PTK7: variants seen among roughly 807,000 people sequenced by gnomAD.
The protein encoded by PTK7 is inactive tyrosine-protein kinase 7.
PTK7 carries 39 observed loss-of-function variants against 116.6 expected under a neutral mutation model. That is an observed-to-expected ratio of 0.33 (90% CI 0.26 to 0.44). The LOEUF (loss-of-function observed/expected upper bound fraction) is 0.44. Among genes scored for constraint, PTK7 ranks in the 20% least tolerant of loss-of-function variants. The probability of loss-of-function intolerance (pLI) is 1.00; values close to 1 mark genes in which losing one functional copy is unlikely to be tolerated. For missense variants in PTK7, 1,169 were observed against 1,425.6 expected (o/e 0.82, Z 2.90); for synonymous variants, 546 against 563.6 (o/e 0.97, Z 0.44).
intron 7 of PTK7, among the ~76,000 whole-genome samples, chr6:43,134,595 C>T (rs1769912747): frequency 6.6e-6 from 1 of 151,952 alleles, no homozygotes; most frequent in Non-Finnish European, 1.5e-5. Flanking sequence ...GCCTGACCAA[C>T]ATGGTGAAAC....
intron 1 of PTK7, among the ~76,000 whole-genome samples, chr6:43,103,584 C>G (rs562784763): frequency 2.4e-4 from 37 of 152,312 alleles, no homozygotes; most frequent in African/African-American, 8.7e-4. Flanking sequence ...GACATCCCCC[C>G]ACCTTGGGGC....
At chr6:43,116,649 T>TGTGA (rs1768554637) in intron 1 of PTK7, among the ~76,000 whole-genome samples, 1 of 73,500 alleles carries the variant, frequency 1.4e-5, no homozygotes, top group Non-Finnish European at 2.8e-5. Context: ...TGTGTGTGTG[T>TGTGA]GTGCGCGCGC....
At chr6:43,142,330 G>A (rs940768688) in intron 13 of PTK7, 31 bp downstream of exon 13, 2 of 1,613,578 alleles carry the variant, frequency 1.2e-6, no homozygotes, top group Non-Finnish European at 1.7e-6. Flanking sequence ...TGCTGCACAG[G>A]AAGTGGTGGG....
chr6:43,081,721 A>G lies in PTK7; in HGVS notation c.79+5154A>G, dbSNP rs545048133. On this transcript the variant is annotated intron_variant, in intron 1 of 19. Transcript: ENST00000230419. ...CACCCAGCCGATATAACAGGTCCTC[A>G]TATAGGTTTATTTAAAAAGTGAATG... Among the ~76,000 whole-genome samples, 72 of 152,294 alleles carry G rather than the reference A, an allele frequency of 4.7e-4. 1 individual carries two copies. The highest frequency in any genetic ancestry group is 1.7e-3 in the African/African-American group (70 of 41,550).
At position 43,129,913 on chromosome 6, in the gene PTK7, C is replaced by CCTCGCTCCATTCTGTGACCA; in HGVS notation, c.470+89_470+108dup. 1 of 1,311,718 alleles carries CCTCGCTCCATTCTGTGACCA rather than the reference C, an allele frequency of 7.6e-7. No homozygotes were observed. The allele number at this position is 1,311,718 out of a possible 1,614,324, so 81.3% of individuals were successfully genotyped here. ...AATCTTGGACTCTATGCGGATGTTA[C>CCTCGCTCCATTCTGTGACCA]CTCGCTCCATTCTGTGACCACTCGT... On this transcript the variant is annotated intron_variant, in intron 3 of 19. Transcript: ENST00000230419. The surrounding 1 kb of genome is among the most constrained non-coding windows in gnomAD (Gnocchi z 4.5).
chr6:43,094,817 G>A (rs990945825), intron 1 of PTK7, among the ~76,000 whole-genome samples: 1 of 151,740 alleles, frequency 6.6e-6, no homozygotes, highest in African/African-American at 2.4e-5. Flanking sequence ...GCCAGGCCAC[G>A]GTGGCTCACC....
chr6:43,157,369 T>TAAA (rs1561990652), intron 17 of PTK7, among the ~76,000 whole-genome samples: 26 of 83,872 alleles, frequency 3.1e-4, no homozygotes, highest in African/African-American at 8.4e-4. Flanking sequence ...TATATATTTT[T>TAAA]TTTTTTCTTT....
chr6:43,118,673 A>ATG (rs1561956592), intron 1 of PTK7, among the ~76,000 whole-genome samples: 1 of 114,964 alleles, frequency 8.7e-6, no homozygotes, highest in African/African-American at 3.6e-5. Flanking sequence ...ATATATATAT[A>ATG]TATATATATA....
chr6:43,090,212 T>C (rs1253972892), intron 1 of PTK7, among the ~76,000 whole-genome samples: 1 of 152,214 alleles, frequency 6.6e-6, no homozygotes, highest in Non-Finnish European at 1.5e-5. Context: ...GTGGCACCGC[T>C]CTCTGCCCCT....
At chr6:43,106,849 A>G (rs1396817984) in intron 1 of PTK7, among the ~76,000 whole-genome samples, 1 of 150,426 alleles carries the variant, frequency 6.6e-6, no homozygotes, top group Non-Finnish European at 1.5e-5. Flanking sequence ...CTCCTGACCT[A>G]AAGTGCTCTC....
intron 1 of PTK7, among the ~76,000 whole-genome samples, chr6:43,099,604 A>T (rs1427220873): frequency 6.6e-6 from 1 of 152,136 alleles, no homozygotes; most frequent in Non-Finnish European, 1.5e-5. Context: ...GAAAAAATTC[A>T]CTGTCCCCAG....
intron 5 of PTK7, among the ~76,000 whole-genome samples, chr6:43,131,425 T>G (rs1410490541): frequency 1.3e-5 from 2 of 152,008 alleles, no homozygotes; most frequent in Non-Finnish European, 2.9e-5. Context: ...TACCCGAGAC[T>G]GAGCAGTTTA....
intron 17 of PTK7, among the ~76,000 whole-genome samples, chr6:43,154,265 G>A (rs1381495342): frequency 6.6e-6 from 1 of 152,074 alleles, no homozygotes; most frequent in Non-Finnish European, 1.5e-5. Flanking sequence ...GAGCCTGGGA[G>A]GTTGAAGATA....
intron 1 of PTK7, among the ~76,000 whole-genome samples, chr6:43,103,152 C>T (rs1436282925): frequency 6.6e-6 from 1 of 152,174 alleles, no homozygotes. Flanking sequence ...TTTATCCATT[C>T]ACAGAATCAA....
intron 17 of PTK7, among the ~76,000 whole-genome samples, chr6:43,152,736 T>TA (rs1418842856): frequency 1.9e-5 from 1 of 53,204 alleles, no homozygotes; most frequent in Non-Finnish European, 3.4e-5. Flanking sequence ...TTATTTTATT[T>TA]ATGTTATGTT....
Position 43,132,124 on chromosome 6 carries a change from G to T in PTK7, c.921G>T (p.Arg307Ser). ...ACCGCTGCATTGGCCAGGGGCAGAG[G>T]GGCCCACCCATCATCCTGGAAGCCA... ...GIYRCIGQGQRGPPIILEATL... is the reference protein window; with the variant it reads ...GIYRCIGQGQSGPPIILEATL... Residue 307 changes from arginine to serine, a missense_variant, in exon 6 of 20, where the codon AGG becomes AGT. Arg to Ser is a moderately radical substitution (Grantham distance 110). Transcript: ENST00000230419. The T allele has an allele frequency of 6.2e-7, 1 of 1,613,336 alleles. No individual in the cohort carries two copies.
chr6:43,144,311 T>A, intron 14 of PTK7, 140 bp from the exon 15 acceptor site: 5 of 931,670 alleles, frequency 5.4e-6, no homozygotes, highest in Non-Finnish European at 8.1e-6. Context: ...TATTTCATCA[T>A]TTGGGCTTGC....
At chr6:43,136,208 G>C (rs1007744482) in intron 7 of PTK7, among the ~76,000 whole-genome samples, 1 of 151,444 alleles carries the variant, frequency 6.6e-6, no homozygotes, top group East Asian at 1.9e-4. Context: ...GGTGGCACAT[G>C]CCTGTAATCC....
At chr6:43,131,691 G>A in intron 5 of PTK7, 1 of 367,932 alleles carries the variant, frequency 2.7e-6, no homozygotes, top group Non-Finnish European at 5.1e-6. Context: ...CACAACATGT[G>A]GGAATTATGG....
Sources: allele counts gnomAD v4.1 joint callset (sites outside exome capture counted in the v4.1 genomes callset), GRCh38; gene constraint gnomAD v4.1.1; non-coding constraint Gnocchi (gnomAD v3.1); transcripts MANE v1.5; gene names NCBI Gene and HGNC (gene_info 2026-07-23, HGNC 2026-07-21).